The following KIAA0232 variants were observed in gnomAD, a reference collection of about 807,000 sequenced individuals.
KIAA0232 encodes the protein uncharacterized protein KIAA0232.
Under a neutral mutation model 122.0 loss-of-function variants are expected in KIAA0232, and 27 were observed. That is an observed-to-expected ratio of 0.22 (90% CI 0.16 to 0.31). The LOEUF (loss-of-function observed/expected upper bound fraction) is 0.31. KIAA0232 is among the 10% of genes least tolerant of loss of function. The pLI is 1.00. For missense variants in KIAA0232, 1,551 were observed against 1,634.2 expected (o/e 0.95, Z 0.88); for synonymous variants, 613 against 587.6 (o/e 1.04, Z -0.63).
intron 2 of KIAA0232, among the ~76,000 whole-genome samples, chr4:6,806,536 C>T (rs1192713730): frequency 1.3e-5 from 2 of 151,816 alleles, no homozygotes; most frequent in South Asian, 2.1e-4. Context: ...AAATCGAGAC[C>T]GTCCTTGCTA....
chr4:6,784,006 G>A (rs1003177589), intron 1 of KIAA0232, among the ~76,000 whole-genome samples: 1 of 152,108 alleles, frequency 6.6e-6, no homozygotes, highest in Admixed American at 6.5e-5. Context: ...CGAACTCTTG[G>A]TACAGACCCC....
rs115390904 is a variant in KIAA0232 at position 6,814,850 on chromosome 4, A to G, written c.-269-9335A>G. 5.2e-3 allele frequency among the ~76,000 whole-genome samples: 799 copies of G among 152,284 alleles called. 5 individuals are homozygous for G. The highest frequency in any genetic ancestry group is 0.018 in the African/African-American group (762 of 41,572). ...TGATATATAAACTTTTATGGGAACT[A>G]TCTATATTGTTTTTACATTTTTAAT... On this transcript the variant is annotated intron_variant, in intron 2 of 9. Coordinates refer to ENST00000307659, the MANE Select transcript of KIAA0232 (RefSeq NM_014743.3).
At position 6,876,678 on chromosome 4, in the gene KIAA0232, A is replaced by G; in HGVS notation, c.3929A>G (p.Lys1310Arg). Residue 1310 changes from lysine (K) to arginine (R), a missense_variant, in exon 9 of 10, where the codon AAG (lysine) becomes AGG (arginine). Around this residue, in one of 5 missense-constraint regions of KIAA0232, gnomAD observed 1,108 missense variants for 1,154.8 expected, o/e 0.96. Coordinates refer to ENST00000307659, the MANE Select transcript of KIAA0232 (RefSeq NM_014743.3). ...SECEECYTNA[K>R]GESGLEEYPD... Reference sequence around the variant, plus strand: ...GATTAAGAATGTTACACAAATGCCAAGGGAGAGAGTGGTTTAGAAGAATAT... The same window carrying G: ...GATTAAGAATGTTACACAAATGCCAGGGGAGAGAGTGGTTTAGAAGAATAT... The G allele has an allele frequency of 3.1e-6, 5 of 1,611,614 alleles. No individual in the cohort carries two copies. The highest frequency in any genetic ancestry group is 4.2e-6 in the Non-Finnish European group (5 of 1,177,754).
chr4:6,837,488 C>G (rs1241427505), intron 3 of KIAA0232, among the ~76,000 whole-genome samples: 1 of 151,594 alleles, frequency 6.6e-6, no homozygotes, highest in African/African-American at 2.4e-5. Context: ...TGGGCAGAGA[C>G]GCTCCTCACT....
rs184578712 is a variant in KIAA0232, at chr4:6,842,731, A to G, written c.369+527A>G. Among the ~76,000 whole-genome samples, 455 of 152,140 alleles carry G rather than the reference A, an allele frequency of 3.0e-3. 2 individuals are homozygous for G. The highest frequency in any genetic ancestry group is 0.01 in the African/African-American group (435 of 41,500). ...CTCCGGAGTAGCCAGAATTACAGGC[A>G]CGTGCCACCATGCCTGGCTAATTTT... On this transcript the variant is annotated intron_variant, in intron 4 of 9. Transcript: ENST00000307659.
intron 3 of KIAA0232, among the ~76,000 whole-genome samples, chr4:6,829,267 C>T (rs576210067): frequency 3.3e-5 from 5 of 152,116 alleles, no homozygotes; most frequent in Non-Finnish European, 7.4e-5. Context: ...CAGTCTTTAT[C>T]ATTCTTGGAG....
chr4:6,867,497 C>T (rs548186449), intron 7 of KIAA0232, among the ~76,000 whole-genome samples: 1 of 152,356 alleles, frequency 6.6e-6, no homozygotes, highest in African/African-American at 2.4e-5. Context: ...TCTGGACATA[C>T]ATTTGTGGTG....
intron 3 of KIAA0232, among the ~76,000 whole-genome samples, chr4:6,825,091 T>C (rs1295980374): frequency 6.6e-6 from 1 of 152,224 alleles, no homozygotes; most frequent in Non-Finnish European, 1.5e-5. Flanking sequence ...AAATTTAATA[T>C]TGTATTTTAT....
At position 6,863,568 on chromosome 4, in the gene KIAA0232, G is replaced by T. The variant is rs1249768205; in HGVS notation, c.3186G>T (p.Gly1062=). The T allele has an allele frequency of 6.2e-7, 1 of 1,614,150 alleles. No homozygotes were observed. Reference sequence around the variant, plus strand: ...TAGAATGCTCATTTGAACCTGAAGGGATTGCATCTTTCAGCCCCAGTTTTA... The same window carrying T: ...TAGAATGCTCATTTGAACCTGAAGGTATTGCATCTTTCAGCCCCAGTTTTA... The part of the protein sequence containing the change: ...LHVECSFEPE[G]IASFSPSFKP... Residue 1062 remains glycine (G), a synonymous_variant, in exon 7 of 10, where the codon GGG becomes GGT. Coordinates refer to ENST00000307659, the MANE Select transcript of KIAA0232 (RefSeq NM_014743.3).
intron 2 of KIAA0232, among the ~76,000 whole-genome samples, chr4:6,816,562 G>A (rs375968508): frequency 1.5e-3 from 228 of 152,286 alleles, no homozygotes; most frequent in African/African-American, 5.3e-3. Flanking sequence ...GATTACAGGC[G>A]TGAGCCACCT....
At chr4:6,813,124 T>G (rs1172936965) in intron 2 of KIAA0232, among the ~76,000 whole-genome samples, 2 of 152,148 alleles carry the variant, frequency 1.3e-5, no homozygotes, top group Admixed American at 6.5e-5. Context: ...TTTGAATTAT[T>G]TTTAGTAATA....
chr4:6,816,408 G>A (rs1013818183), intron 2 of KIAA0232, among the ~76,000 whole-genome samples: 2 of 151,098 alleles, frequency 1.3e-5, no homozygotes, highest in Admixed American at 6.6e-5. Flanking sequence ...TCAGCCTTCC[G>A]AGTAGCTGGG....
intron 4 of KIAA0232, among the ~76,000 whole-genome samples, chr4:6,844,963 A>T (rs933267707): frequency 7.9e-5 from 12 of 152,356 alleles, no homozygotes; most frequent in Admixed American, 2.6e-4. Flanking sequence ...ACTGGGAATT[A>T]TGTGATAGAC....
chr4:6,838,612 A>T lies in KIAA0232; in HGVS notation c.232-3455A>T, dbSNP rs949555994. Among the ~76,000 whole-genome samples the T allele has an allele frequency of 2.0e-5, 3 of 151,862 alleles. No homozygotes were observed. In the East Asian group the frequency reaches 5.8e-4, roughly 29 times the overall value. ...ACATTTACATTGTATATACTCTGCTATGTGGGATAAATTCCACATTTAAAA... is the reference window on the plus strand; with the variant it reads ...ACATTTACATTGTATATACTCTGCTTTGTGGGATAAATTCCACATTTAAAA... On this transcript the variant is annotated intron_variant, in intron 3 of 9. Transcript: ENST00000307659.
chr4:6,832,968 G>T (rs142022594), intron 3 of KIAA0232, among the ~76,000 whole-genome samples: 156 of 152,324 alleles, frequency 1.0e-3, no homozygotes, highest in African/African-American at 3.4e-3. Flanking sequence ...CCCACAGGTT[G>T]TATAAATAAT....
At chr4:6,847,219 T>C (rs868291563) in intron 4 of KIAA0232, among the ~76,000 whole-genome samples, 1 of 152,242 alleles carries the variant, frequency 6.6e-6, no homozygotes, top group African/African-American at 2.4e-5. Flanking sequence ...GTGACTGTTA[T>C]AGTTACAATG....
chr4:6,829,308 G>T (rs544899837), intron 3 of KIAA0232, among the ~76,000 whole-genome samples: 4 of 152,266 alleles, frequency 2.6e-5, no homozygotes, highest in South Asian at 4.1e-4. Flanking sequence ...GGTTCAGATG[G>T]TGTCTGCCAG....
At chr4:6,788,126 C>T (rs1288289472) in intron 1 of KIAA0232, among the ~76,000 whole-genome samples, 1 of 152,182 alleles carries the variant, frequency 6.6e-6, no homozygotes, top group Non-Finnish European at 1.5e-5. Context: ...GCAACTTCCA[C>T]CTCCCTTCCT....
intron 2 of KIAA0232, among the ~76,000 whole-genome samples, chr4:6,807,072 A>ATCTG (rs1717657081): frequency 6.6e-6 from 1 of 151,194 alleles, no homozygotes; most frequent in Non-Finnish European, 1.5e-5. Context: ...CTATCTATCT[A>ATCTG]TCTATCTATT....
Sources: gnomAD v4.1 joint callset for allele counts (sites outside exome capture counted in the v4.1 genomes callset) on GRCh38, gnomAD v4.1.1 for gene constraint, gnomAD v4.1.1 regional missense constraint, MANE v1.5 for transcripts, NCBI Gene and HGNC (gene_info 2026-07-23, HGNC 2026-07-21) for gene names.